The following IL1RAPL2 variants were observed in gnomAD, a reference collection of about 807,000 sequenced individuals.
IL1RAPL2 encodes X-linked interleukin-1 receptor accessory protein-like 2.
IL1RAPL2 carries 3 observed loss-of-function variants against 44.1 expected under a neutral mutation model. The ratio of observed to expected loss-of-function variants is 0.07; its 90% CI spans 0.03 to 0.18. The LOEUF is 0.18. Ranked by LOEUF, IL1RAPL2 falls within the 10% of genes least tolerant of loss-of-function variation. The pLI, the probability that IL1RAPL2 is intolerant of heterozygous loss-of-function variation, is 1.00. For missense variants in IL1RAPL2, 391 were observed against 496.4 expected, an observed-to-expected ratio of 0.79 and a Z score of 2.02; for synonymous variants, 181 against 178.8, an observed-to-expected ratio of 1.01 and a Z score of -0.10.
intron 6 of IL1RAPL2, among the ~76,000 whole-genome samples, chrX:105,508,076 C>T (rs951541012): frequency 9.0e-6 from 1 of 111,595 alleles, no homozygotes; most frequent in Admixed American, 9.6e-5. Context: ...TGTTCCATTG[C>T]AATGTATAGC....
intron 2 of IL1RAPL2, among the ~76,000 whole-genome samples, chrX:104,790,481 T>G (rs922739925): frequency 9.0e-6 from 1 of 111,655 alleles, no homozygotes; most frequent in African/African-American, 3.3e-5. Context: ...GAAGCCAGCC[T>G]TATAGAGTGG....
intron 2 of IL1RAPL2, among the ~76,000 whole-genome samples, chrX:104,761,895 TTCTCCTTCTCCTTCTC>T (rs1932447779): frequency 1.9e-5 from 1 of 52,407 alleles, no homozygotes; most frequent in Non-Finnish European, 3.2e-5. Context: ...CTCCTTCTCC[TTCTCCTTCTCCTTCTC>T]CTTCTCCTTC....
intron 2 of IL1RAPL2, among the ~76,000 whole-genome samples, chrX:105,042,311 T>G (rs1187283386): frequency 9.2e-6 from 1 of 109,109 alleles, no homozygotes; most frequent in African/African-American, 3.3e-5. Flanking sequence ...TGGGAGAAAA[T>G]TTTTGCAATC....
intron 2 of IL1RAPL2, among the ~76,000 whole-genome samples, chrX:105,072,801 C>T (rs771898838): frequency 5.5e-4 from 60 of 110,087 alleles, no homozygotes; most frequent in Non-Finnish European, 1.1e-3. Context: ...CTCCTCACTC[C>T]CCAACAGGCC....
intron 6 of IL1RAPL2, among the ~76,000 whole-genome samples, chrX:105,499,046 T>C (rs2036375085): frequency 9.0e-6 from 1 of 111,220 alleles, no homozygotes; most frequent in African/African-American, 3.3e-5. Context: ...TGTCTGATGA[T>C]CTGAGGTGGA....
At chrX:104,966,437 C>A (rs1171971284) in intron 2 of IL1RAPL2, among the ~76,000 whole-genome samples, 2 of 111,135 alleles carry the variant, frequency 1.8e-5, no homozygotes, top group African/African-American at 6.5e-5. Flanking sequence ...ATTTTCATAG[C>A]TATATTATAT....
intron 5 of IL1RAPL2, among the ~76,000 whole-genome samples, chrX:105,454,139 A>C (rs1380544610): frequency 2.7e-5 from 3 of 111,080 alleles, no homozygotes; most frequent in Non-Finnish European, 5.7e-5. Flanking sequence ...TAAGCAGGAG[A>C]TCTCCAGCAG....
intron 2 of IL1RAPL2, among the ~76,000 whole-genome samples, chrX:104,717,361 C>A (rs1018561754): frequency 2.8e-5 from 3 of 107,378 alleles, no homozygotes; most frequent in African/African-American, 1.0e-4. Context: ...TATAGCAAAC[C>A]CTGTATTACT....
chrX:105,263,131 C>T (rs772945731), intron 4 of IL1RAPL2, among the ~76,000 whole-genome samples: 5 of 110,383 alleles, frequency 4.5e-5, no homozygotes, highest in Non-Finnish European at 7.6e-5. Flanking sequence ...GTGATCCACC[C>T]GCCTCGGCCT....
At chrX:105,114,336 T>C (rs145423910) in intron 2 of IL1RAPL2, among the ~76,000 whole-genome samples, 12 of 112,245 alleles carry the variant, frequency 1.1e-4, no homozygotes, top group African/African-American at 3.9e-4. Context: ...ATGTTGTTTA[T>C]GAGCTACCCA....
intron 4 of IL1RAPL2, among the ~76,000 whole-genome samples, chrX:105,235,501 C>T (rs782513509): frequency 2.3e-4 from 26 of 111,421 alleles, no homozygotes; most frequent in Non-Finnish European, 4.0e-4. Context: ...CCCTAACTCC[C>T]ACAGCTGTCA....
chrX:105,139,008 A>G (rs774713536), intron 2 of IL1RAPL2, among the ~76,000 whole-genome samples: 1 of 111,396 alleles, frequency 9.0e-6, no homozygotes, highest in African/African-American at 3.3e-5. Context: ...TCTCTCTCAT[A>G]CTAATGGTGA....
chrX:105,446,225 G>C (rs2035953225), intron 5 of IL1RAPL2, among the ~76,000 whole-genome samples: 1 of 110,314 alleles, frequency 9.1e-6, no homozygotes, highest in African/African-American at 3.3e-5. Flanking sequence ...CTCTTTTCTG[G>C]TTTCCATTGC....
intron 2 of IL1RAPL2, among the ~76,000 whole-genome samples, chrX:104,883,081 G>A (rs1008893843): frequency 2.7e-5 from 3 of 111,574 alleles, no homozygotes; most frequent in Non-Finnish European, 5.6e-5. Flanking sequence ...GTGAGGGTCC[G>A]CGGCTTCATT....
chrX:104,878,110 G>C (rs1371908823), intron 2 of IL1RAPL2, among the ~76,000 whole-genome samples: 1 of 111,389 alleles, frequency 9.0e-6, no homozygotes, highest in Non-Finnish European at 1.9e-5. Context: ...CATGGACTAA[G>C]TGTGGTACCT....
chrX:105,422,232 A>G (rs911000812), intron 5 of IL1RAPL2, among the ~76,000 whole-genome samples: 5 of 112,034 alleles, frequency 4.5e-5, no homozygotes, highest in Admixed American at 9.5e-5. Context: ...TCAAATGCCT[A>G]TGATTTGGGT....
At chrX:104,842,917 A>G (rs1405457467) in intron 2 of IL1RAPL2, among the ~76,000 whole-genome samples, 1 of 112,653 alleles carries the variant, frequency 8.9e-6, no homozygotes, top group African/African-American at 3.2e-5. Context: ...GAGCTGGTGC[A>G]CTGTGCTGGT....
chrX:105,752,878 T>C (rs1394409912), intron 9 of IL1RAPL2: 2 of 320,015 alleles, frequency 6.2e-6, no homozygotes, highest in Non-Finnish European at 1.2e-5. Flanking sequence ...CTTCCTGCTC[T>C]GGCCAGCCAC....
chrX:105,124,618 A>G (rs1051929903), intron 2 of IL1RAPL2, among the ~76,000 whole-genome samples: 2 of 110,138 alleles, frequency 1.8e-5, no homozygotes, highest in African/African-American at 6.6e-5. Context: ...TATTACAGGA[A>G]TTTCCCTTAA....
Sources: gnomAD v4.1 joint callset for allele counts (sites outside exome capture counted in the v4.1 genomes callset) on GRCh38, gnomAD v4.1.1 for gene constraint, MANE v1.5 for transcripts, NCBI Gene and HGNC (gene_info 2026-07-23, HGNC 2026-07-21) for gene names.